The following ASTN2 variants were observed in gnomAD, a reference collection of about 807,000 sequenced individuals.
ASTN2 encodes the protein astrotactin-2.
ASTN2 carries 54 observed loss-of-function variants against 139.8 expected under a neutral mutation model. The observed-to-expected ratio is 0.39, with a 90% CI of 0.31 to 0.48. The LOEUF is 0.48. Among genes scored for constraint, ASTN2 ranks in the 20% least tolerant of loss-of-function variants. The probability of loss-of-function intolerance (pLI) is 0.95; values close to 1 mark genes in which losing one functional copy is unlikely to be tolerated. For synonymous variants in ASTN2, 756 were observed against 719.5 expected (o/e 1.05, Z -0.81); for missense variants, 1,565 against 1,725.1 (o/e 0.91, Z 1.64).
chr9:117,288,637 A>T (rs1303911333), intron 2 of ASTN2, among the ~76,000 whole-genome samples: 1 of 152,158 alleles, frequency 6.6e-6, no homozygotes, highest in African/African-American at 2.4e-5. Flanking sequence ...CAGATTTCTC[A>T]GTTGTGAAAT....
At chr9:117,260,028 GCTTTC>G (rs1833784465) in intron 2 of ASTN2, among the ~76,000 whole-genome samples, 1 of 151,946 alleles carries the variant, frequency 6.6e-6, no homozygotes, top group African/African-American at 2.4e-5. Flanking sequence ...CTTTCTTCTT[GCTTTC>G]CTTTCTTTTA....
At chr9:117,344,781 G>C (rs1362622755) in intron 1 of ASTN2, among the ~76,000 whole-genome samples, 1 of 152,198 alleles carries the variant, frequency 6.6e-6, no homozygotes, top group Admixed American at 6.5e-5. Flanking sequence ...GGGTGAGGCA[G>C]AGGGAATACA....
chr9:116,788,116 A>G (rs1373990939), intron 13 of ASTN2, among the ~76,000 whole-genome samples: 1 of 152,156 alleles, frequency 6.6e-6, no homozygotes, highest in Non-Finnish European at 1.5e-5. Context: ...TAAAAAGTCA[A>G]ACTCGTATTA....
intron 3 of ASTN2, among the ~76,000 whole-genome samples, chr9:117,203,400 T>A (rs1400265940): frequency 6.6e-6 from 1 of 152,058 alleles, no homozygotes; most frequent in Non-Finnish European, 1.5e-5. Context: ...GGTGATCATG[T>A]TGAGGAGAAG....
intron 2 of ASTN2, among the ~76,000 whole-genome samples, chr9:117,249,884 C>T (rs1369058102): frequency 1.3e-5 from 2 of 152,054 alleles, no homozygotes; most frequent in African/African-American, 4.8e-5. Flanking sequence ...TCTCAAGGGC[C>T]TTCTAAGTGG....
intron 4 of ASTN2, among the ~76,000 whole-genome samples, chr9:117,112,992 A>T (rs1186227298): frequency 6.6e-6 from 1 of 152,204 alleles, no homozygotes; most frequent in Admixed American, 6.5e-5. Flanking sequence ...AAAGATCCTC[A>T]ACCTCTTTAG....
chr9:117,405,448 T>C (rs1332174824), intron 1 of ASTN2, among the ~76,000 whole-genome samples: 1 of 152,206 alleles, frequency 6.6e-6, no homozygotes, highest in Non-Finnish European at 1.5e-5. Context: ...TCATGGCACC[T>C]GGGACATAGT....
At chr9:117,276,029 C>T (rs900802064) in intron 2 of ASTN2, among the ~76,000 whole-genome samples, 2 of 152,142 alleles carry the variant, frequency 1.3e-5, no homozygotes, top group Admixed American at 6.5e-5. Context: ...AAAACACCTG[C>T]TTAATATATT....
chr9:116,515,738 A>C (rs574722087), intron 19 of ASTN2, among the ~76,000 whole-genome samples: 38 of 152,302 alleles, frequency 2.5e-4, no homozygotes, highest in Non-Finnish European at 5.1e-4. Flanking sequence ...CTGCTTAGTG[A>C]CCCAAGAAGT....
chr9:116,798,687 C>A (rs1194328907), intron 13 of ASTN2, among the ~76,000 whole-genome samples: 3 of 152,112 alleles, frequency 2.0e-5, no homozygotes, highest in African/African-American at 7.2e-5. Flanking sequence ...TTAATTTGAC[C>A]AGAAATAGAA....
chr9:116,699,538 T>C lies in ASTN2; in HGVS notation c.2806+26233A>G. On this transcript the variant is annotated intron_variant, in intron 16 of 22. Coordinates refer to ENST00000313400, the MANE Select transcript of ASTN2 (RefSeq NM_001365068.1). The surrounding 1 kb of genome is among the most constrained non-coding windows in gnomAD (Gnocchi z 4.2). Reference sequence around the variant, plus strand: ...GTGGCTGACAGTAGTCGCAAGGAAATTCTCCATTTTCCTAAGGGTGGGGGC... The same window carrying C: ...GTGGCTGACAGTAGTCGCAAGGAAACTCTCCATTTTCCTAAGGGTGGGGGC... 1 of 1,614,184 alleles carries C rather than the reference T, an allele frequency of 6.2e-7. No individual in the cohort carries two copies. The highest frequency in any genetic ancestry group is 2.2e-5 in the East Asian group (1 of 44,880).
chr9:117,065,673 G>A (rs1251460531), intron 5 of ASTN2, among the ~76,000 whole-genome samples: 1 of 152,150 alleles, frequency 6.6e-6, no homozygotes, highest in Non-Finnish European at 1.5e-5. Flanking sequence ...ATAAACATGA[G>A]TATAAACAAG....
At chr9:116,885,585 G>C (rs780784182) in intron 10 of ASTN2, among the ~76,000 whole-genome samples, 15 of 152,114 alleles carry the variant, frequency 9.9e-5, no homozygotes, top group Non-Finnish European at 1.6e-4. Context: ...GGAATCTCTT[G>C]AACCCCAGAC....
intron 19 of ASTN2, chr9:116,584,810 G>A (rs535086322): frequency 6.6e-6 from 1 of 152,302 alleles, no homozygotes; most frequent in South Asian, 2.1e-4. Flanking sequence ...GAAGAACTGA[G>A]TTTTCCAACA....
intron 10 of ASTN2, among the ~76,000 whole-genome samples, chr9:116,897,443 A>G (rs1453908722): frequency 6.6e-6 from 1 of 152,212 alleles, no homozygotes; most frequent in Non-Finnish European, 1.5e-5. Context: ...ACACAGATAA[A>G]AATGATACAT....
chr9:116,478,720 C>T lies in ASTN2; in HGVS notation c.3497+8639G>A, dbSNP rs1484221318. 6.6e-5 allele frequency among the ~76,000 whole-genome samples: 10 copies of T among 152,128 alleles called. No homozygotes were observed. The Middle Eastern group carries it at 0.01, about 155-fold the overall frequency. On this transcript the variant is annotated intron_variant, in intron 20 of 22. Transcript: ENST00000313400. ...TTGAAATGCACAGCCTCAGGCTGGG[C>T]GCAGTGGCTCACACATGTAATCCCA...
intron 16 of ASTN2, among the ~76,000 whole-genome samples, chr9:116,679,597 C>A (rs1859714796): frequency 6.6e-6 from 1 of 152,134 alleles, no homozygotes; most frequent in African/African-American, 2.4e-5. Flanking sequence ...CCACACCACA[C>A]CTATTCCAAA....
chr9:117,203,092 A>AACCTTATCATC (rs1188316426), intron 3 of ASTN2, among the ~76,000 whole-genome samples: 1 of 151,622 alleles, frequency 6.6e-6, no homozygotes, highest in East Asian at 2.0e-4. Context: ...GGTTGTCATC[A>AACCTTATCATC]AACTCTGATA....
chr9:116,978,470 A>ATC (rs147901303), intron 7 of ASTN2, among the ~76,000 whole-genome samples: 6,725 of 141,784 alleles, frequency 0.047, 186 homozygotes, highest in Non-Finnish European at 0.058. Context: ...CTCTGTATGT[A>ATC]TCTCTCTCTC....
Sources: gnomAD v4.1 joint callset for allele counts (sites outside exome capture counted in the v4.1 genomes callset) on GRCh38, gnomAD v4.1.1 for gene constraint, Gnocchi (gnomAD v3.1) non-coding constraint, MANE v1.5 for transcripts, NCBI Gene and HGNC (gene_info 2026-07-23, HGNC 2026-07-21) for gene names.